Variants in INSL6 observed in about 807,000 individuals in gnomAD.
The protein encoded by INSL6 is insulin-like peptide INSL6.
In INSL6, 16 loss-of-function variants were observed where a neutral mutation model predicts 9.4. The ratio of observed to expected loss-of-function variants is 1.70; its 90% CI spans 1.15 to 2.59. The LOEUF (loss-of-function observed/expected upper bound fraction) is 2.59. Ranked by LOEUF, INSL6 falls within the 30% of genes most tolerant of loss-of-function variation. The pLI is 0.00. For missense variants in INSL6, 391 were observed against 257.3 expected, an observed-to-expected ratio of 1.52 and a Z score of -3.56; for synonymous variants, 154 against 96.9, an observed-to-expected ratio of 1.59 and a Z score of -3.46.
chr9:5,018,044 C>T, the INSL6 span, among the ~76,000 whole-genome samples: 1 of 152,088 alleles, frequency 6.6e-6, no homozygotes, highest in Non-Finnish European at 1.5e-5. Flanking sequence ...TTTTTTAGTC[C>T]ATTTAGCCAT....
chr9:5,115,697 G>T, the INSL6 span, among the ~76,000 whole-genome samples: 2 of 152,192 alleles, frequency 1.3e-5, no homozygotes, highest in African/African-American at 4.8e-5. Context: ...TAAAGAAAAT[G>T]TGACACATAT....
chr9:5,139,407 C>T (rs1824446425), intron 2 of INSL6, among the ~76,000 whole-genome samples: 1 of 151,974 alleles, frequency 6.6e-6, no homozygotes, highest in Non-Finnish European at 1.5e-5. Flanking sequence ...GATAATACTG[C>T]CTTTTGCTAG....
chr9:4,994,157 A>G, the INSL6 span, among the ~76,000 whole-genome samples: 2 of 152,228 alleles, frequency 1.3e-5, no homozygotes, highest in African/African-American at 2.4e-5. Flanking sequence ...AGTGTTTGGA[A>G]TCTTTACTTA....
At chr9:5,111,926 T>A in the INSL6 span, 1 of 348,128 alleles carries the variant, frequency 2.9e-6, no homozygotes, top group Admixed American at 3.6e-5. Context: ...CAATCTACTC[T>A]CCGGATCACT....
chr9:5,125,372 T>C (rs1019238534), intron 3 of INSL6, among the ~76,000 whole-genome samples: 1 of 151,364 alleles, frequency 6.6e-6, no homozygotes, highest in Non-Finnish European at 1.5e-5. Flanking sequence ...ACTGCAAATA[T>C]GTTTTCTAAT....
chr9:5,021,008 ATG>A, the INSL6 span, among the ~76,000 whole-genome samples: 1 of 152,036 alleles, frequency 6.6e-6, no homozygotes, highest in Non-Finnish European at 1.5e-5. Flanking sequence ...GCAGCTCCCT[ATG>A]TTACTCCCAG....
intron 2 of INSL6, among the ~76,000 whole-genome samples, chr9:5,143,638 G>A (rs925242599): frequency 1.3e-5 from 2 of 150,328 alleles, no homozygotes; most frequent in African/African-American, 4.9e-5. Context: ...CAAATAAACA[G>A]CTCCTGGATC....
At chr9:5,060,543 G>C in the INSL6 span, among the ~76,000 whole-genome samples, 1 of 152,138 alleles carries the variant, frequency 6.6e-6, no homozygotes, top group Non-Finnish European at 1.5e-5. Flanking sequence ...TTATGCATAA[G>C]AAGCAACTTA....
At chr9:5,129,937 T>C (rs1564032435) in intron 3 of INSL6, among the ~76,000 whole-genome samples, 1 of 152,170 alleles carries the variant, frequency 6.6e-6, no homozygotes, top group Non-Finnish European at 1.5e-5. Flanking sequence ...AAATTCTTCT[T>C]AGGTTAAAAA....
At chr9:5,124,809 T>A (rs534786694) in intron 3 of INSL6, among the ~76,000 whole-genome samples, 1 of 151,438 alleles carries the variant, frequency 6.6e-6, no homozygotes, top group South Asian at 2.1e-4. Flanking sequence ...ACATTCAAGT[T>A]TTTTTTTAAC....
intron 2 of INSL6, among the ~76,000 whole-genome samples, chr9:5,149,379 G>A (rs1319244570): frequency 6.6e-6 from 1 of 151,688 alleles, no homozygotes; most frequent in Non-Finnish European, 1.5e-5. Flanking sequence ...ACTTTTCACA[G>A]CTGCATCTAC....
At chr9:5,183,560 T>C (rs900565550) in intron 1 of INSL6, among the ~76,000 whole-genome samples, 6 of 152,208 alleles carry the variant, frequency 3.9e-5, no homozygotes, top group Admixed American at 6.5e-5. Flanking sequence ...AAACTGTCTT[T>C]AGAGCACTTT....
chr9:5,172,423 C>T (rs1000787536), intron 1 of INSL6, among the ~76,000 whole-genome samples: 2 of 152,116 alleles, frequency 1.3e-5, no homozygotes, highest in Non-Finnish European at 2.9e-5. Context: ...GACAAAATCA[C>T]CAAAAGCAAT....
At chr9:5,150,551 CATT>C (rs1824689439) in intron 2 of INSL6, among the ~76,000 whole-genome samples, 1 of 151,968 alleles carries the variant, frequency 6.6e-6, no homozygotes, top group South Asian at 2.1e-4. Context: ...TCAGAATGGC[CATT>C]ATTAAATCGT....
At chr9:5,079,833 T>A in the INSL6 span, among the ~76,000 whole-genome samples, 2 of 152,048 alleles carry the variant, frequency 1.3e-5, no homozygotes, top group Non-Finnish European at 2.9e-5. Context: ...AAAAAATTTT[T>A]TTTTTTTGAA....
the INSL6 span, among the ~76,000 whole-genome samples, chr9:5,089,398 C>T: frequency 1.3e-5 from 2 of 151,982 alleles, no homozygotes; most frequent in Admixed American, 1.3e-4. Flanking sequence ...ATTAGCTGGG[C>T]GTATTGGCGG....
chr9:5,081,764 T>G, the INSL6 span: 2 of 1,601,576 alleles, frequency 1.2e-6, no homozygotes, highest in Non-Finnish European at 1.7e-6. Flanking sequence ...TTACCAAATA[T>G]GAGGATAGGT....
the INSL6 span, chr9:5,080,312 T>G: frequency 2.5e-6 from 4 of 1,613,586 alleles, no homozygotes; most frequent in Non-Finnish European, 3.4e-6. Context: ...CAAATGGAGT[T>G]TTGGTACCAC....
chr9:5,141,058 G>C (rs914476495), intron 2 of INSL6, among the ~76,000 whole-genome samples: 10 of 152,068 alleles, frequency 6.6e-5, no homozygotes, highest in Non-Finnish European at 1.0e-4. Context: ...TTTTTATGCT[G>C]CATAGTACTC....
Sources: allele counts gnomAD v4.1 joint callset (sites outside exome capture counted in the v4.1 genomes callset), GRCh38; gene constraint gnomAD v4.1.1; transcripts MANE v1.5; gene names NCBI Gene and HGNC (gene_info 2026-07-23, HGNC 2026-07-21).